Variants in ST6GALNAC3 observed in about 807,000 individuals in gnomAD.
The protein encoded by ST6GALNAC3 is ST6 N-acetylgalactosaminide alpha-2,6-sialyltransferase 3.
ST6GALNAC3 carries 25 observed loss-of-function variants against 32.7 expected under a neutral mutation model. The ratio of observed to expected loss-of-function variants is 0.76; its 90% CI spans 0.56 to 1.07. ST6GALNAC3 has a LOEUF of 1.07. Ranked by LOEUF, ST6GALNAC3 falls within the 50% of genes least tolerant of loss-of-function variation. The pLI, the probability that ST6GALNAC3 is intolerant of heterozygous loss-of-function variation, is 0.00. For missense variants in ST6GALNAC3, 355 were observed against 382.4 expected (o/e 0.93, Z 0.60); for synonymous variants, 129 against 133.1 (o/e 0.97, Z 0.21).
chr1:76,318,713 A>C (rs1279508115), intron 2 of ST6GALNAC3, among the ~76,000 whole-genome samples: 1 of 152,188 alleles, frequency 6.6e-6, no homozygotes, highest in African/African-American at 2.4e-5. Flanking sequence ...TATGTCACCC[A>C]TGTATTTTTC....
At chr1:76,524,718 T>G (rs963039292) in intron 3 of ST6GALNAC3, among the ~76,000 whole-genome samples, 25 of 122,858 alleles carry the variant, frequency 2.0e-4, no homozygotes, top group Middle Eastern at 4.2e-3. Context: ...ATTTCAGTTT[T>G]TTTTTTTTTT....
At chr1:76,251,021 C>T (rs1657579422) in intron 1 of ST6GALNAC3, among the ~76,000 whole-genome samples, 1 of 152,122 alleles carries the variant, frequency 6.6e-6, no homozygotes, top group African/African-American at 2.4e-5. Flanking sequence ...ATTTCCCCGG[C>T]CTGTCACACA....
chr1:76,520,520 C>T (rs1662458117), intron 3 of ST6GALNAC3, among the ~76,000 whole-genome samples: 1 of 151,838 alleles, frequency 6.6e-6, no homozygotes, highest in Non-Finnish European at 1.5e-5. Flanking sequence ...ACATACTGGT[C>T]CAACCACCCA....
intron 1 of ST6GALNAC3, 57 bp downstream of exon 1, chr1:76,074,941 A>G: frequency 1.3e-6 from 2 of 1,566,384 alleles, no homozygotes; most frequent in East Asian, 2.4e-5. Flanking sequence ...TGCTGCTCAG[A>G]GGCACGGAGT....
chr1:76,295,101 T>C (rs373368812), intron 1 of ST6GALNAC3, among the ~76,000 whole-genome samples: 10 of 151,850 alleles, frequency 6.6e-5, no homozygotes, highest in Admixed American at 3.9e-4. Flanking sequence ...ATTTTTTTTT[T>C]CCTCTGGAAG....
At chr1:76,444,818 G>A (rs1368704877) in intron 3 of ST6GALNAC3, among the ~76,000 whole-genome samples, 1 of 152,134 alleles carries the variant, frequency 6.6e-6, no homozygotes, top group Non-Finnish European at 1.5e-5. Context: ...GTTAGACTGA[G>A]CCAGGACTCC....
chr1:76,256,381 A>G (rs1225619245), intron 1 of ST6GALNAC3, among the ~76,000 whole-genome samples: 6 of 152,130 alleles, frequency 3.9e-5, no homozygotes, highest in Admixed American at 3.3e-4. Context: ...AGACACTGAA[A>G]CTCAGAGGCA....
intron 2 of ST6GALNAC3, among the ~76,000 whole-genome samples, chr1:76,326,826 G>GTTTTTTT (rs11331532): frequency 8.8e-6 from 1 of 113,404 alleles, no homozygotes; most frequent in East Asian, 2.7e-4. Flanking sequence ...GAAGTTTTGG[G>GTTTTTTT]TTTTTTTTTT....
chr1:76,341,773 A>G lies in ST6GALNAC3; in HGVS notation c.213+27774A>G, dbSNP rs1017633809. On this transcript the variant is annotated intron_variant, in intron 2 of 4. Transcript: ENST00000328299. ...TGTACAGAATGTGCAGGTTTGTTAC[A>G]TAGGTATACATGGGCCATGATGGTT... 7.3e-5 allele frequency among the ~76,000 whole-genome samples: 11 copies of G among 150,610 alleles called. 1 individual carries two copies. The highest frequency in any genetic ancestry group is 2.7e-4 in the African/African-American group (11 of 40,698).
At position 76,381,667 on chromosome 1, in the gene ST6GALNAC3, C is replaced by G. The variant is rs114642243; in HGVS notation, c.214-30341C>G. 3.9e-3 allele frequency among the ~76,000 whole-genome samples: 590 copies of G among 152,174 alleles called. 2 individuals carry two copies. Among genetic ancestry groups the G allele is most frequent in the African/African-American group, 0.014 (577 of 41,512 alleles). ...AGGAAATGCATTGAGGTGAATGGGA[C>G]CTCTGTGGGTTGTTTCCTGTGATGC... On this transcript the variant is annotated intron_variant, in intron 2 of 4. Transcript: ENST00000328299.
chr1:76,395,519 G>A (rs1342902971), intron 2 of ST6GALNAC3, among the ~76,000 whole-genome samples: 1 of 152,062 alleles, frequency 6.6e-6, no homozygotes, highest in Non-Finnish European at 1.5e-5. Context: ...ATGCACAATA[G>A]CAATGACATG....
Position 76,605,008 on chromosome 1 carries a change from G to A in ST6GALNAC3, c.624-22444G>A, listed in dbSNP as rs1385867698. Among the ~76,000 whole-genome samples, 4 of 152,092 alleles carry A rather than the reference G, an allele frequency of 2.6e-5. No homozygotes were observed. In the South Asian group the frequency reaches 8.3e-4, roughly 32 times the overall value. ...CCATATGCAGTTCATAATTCACATA[G>A]TATTAACATAAGCATCTAATCATGT... On this transcript the variant is annotated intron_variant, in intron 3 of 4. Coordinates refer to ENST00000328299, the MANE Select transcript of ST6GALNAC3 (RefSeq NM_152996.4).
intron 1 of ST6GALNAC3, among the ~76,000 whole-genome samples, chr1:76,085,489 C>G (rs1646952653): frequency 6.6e-6 from 1 of 152,148 alleles, no homozygotes; most frequent in Admixed American, 6.5e-5. Flanking sequence ...GAGACTGAAG[C>G]TTAGAGAGGC....
chr1:76,611,271 TC>T lies in ST6GALNAC3; in HGVS notation c.624-16180del, dbSNP rs1174509728. ...ATATTAATATTCAAAATAATTTTTT[TC>T]TAAATAAGTTGATAAGTTGCCAGTG... On this transcript the variant is annotated intron_variant, in intron 3 of 4. Coordinates refer to ENST00000328299, the MANE Select transcript of ST6GALNAC3 (RefSeq NM_152996.4). Among the ~76,000 whole-genome samples, 38 of 151,898 alleles carry T rather than the reference TC, an allele frequency of 2.5e-4. 1 individual carries two copies. The highest frequency in any genetic ancestry group is 6.6e-5 in the Admixed American group (1 of 15,262).
At chr1:76,300,323 G>A (rs760343522) in intron 1 of ST6GALNAC3, among the ~76,000 whole-genome samples, 16 of 152,094 alleles carry the variant, frequency 1.1e-4, no homozygotes, top group Middle Eastern at 3.4e-3. Context: ...GATAAGAAAT[G>A]GATGTGGGCC....
At chr1:76,497,621 T>TA (rs780321480) in intron 3 of ST6GALNAC3, among the ~76,000 whole-genome samples, 6 of 152,198 alleles carry the variant, frequency 3.9e-5, no homozygotes, top group South Asian at 4.1e-4. Context: ...GTTACTTGGC[T>TA]AAAGAGTGGT....
chr1:76,397,950 T>C (rs527267705), intron 2 of ST6GALNAC3, among the ~76,000 whole-genome samples: 16 of 152,302 alleles, frequency 1.1e-4, no homozygotes, highest in African/African-American at 3.6e-4. Flanking sequence ...AATAATGATT[T>C]TTTTTCTTCT....
At chr1:76,622,304 C>G (rs372756470) in intron 3 of ST6GALNAC3, among the ~76,000 whole-genome samples, 9 of 152,024 alleles carry the variant, frequency 5.9e-5, no homozygotes, top group African/African-American at 1.9e-4. Context: ...AAGACTTGCC[C>G]TTTGGGTCTA....
intron 3 of ST6GALNAC3, among the ~76,000 whole-genome samples, chr1:76,481,937 A>C (rs528727991): frequency 6.6e-6 from 1 of 152,104 alleles, no homozygotes; most frequent in Admixed American, 6.6e-5. Flanking sequence ...TTCCAAATCA[A>C]ATTTCTTCAA....
Sources: gnomAD v4.1 joint callset for allele counts (sites outside exome capture counted in the v4.1 genomes callset) on GRCh38, gnomAD v4.1.1 for gene constraint, MANE v1.5 for transcripts, NCBI Gene and HGNC (gene_info 2026-07-23, HGNC 2026-07-21) for gene names.